TUBGCP4: variants seen among roughly 807,000 people sequenced by gnomAD.
TUBGCP4 encodes gamma-tubulin complex component 4.
Under a neutral mutation model 91.6 loss-of-function variants are expected in TUBGCP4, and 54 were observed. The ratio of observed to expected loss-of-function variants is 0.59; its 90% CI spans 0.47 to 0.74. TUBGCP4 has a LOEUF of 0.74. Ranked by LOEUF, TUBGCP4 falls within the 30% of genes least tolerant of loss-of-function variation. TUBGCP4 has a pLI of 0.00. For synonymous variants in TUBGCP4, 297 were observed against 302.8 expected, an observed-to-expected ratio of 0.98 and a Z score of 0.20; for missense variants, 593 against 800.9, an observed-to-expected ratio of 0.74 and a Z score of 3.13.
chr15:43,386,948 A>C (rs1312546126), intron 9 of TUBGCP4, among the ~76,000 whole-genome samples: 3 of 152,042 alleles, frequency 2.0e-5, no homozygotes, highest in Admixed American at 1.3e-4. Context: ...TAGTTAGTTG[A>C]ATAAAGGGGG....
intron 9 of TUBGCP4, among the ~76,000 whole-genome samples, chr15:43,391,203 TC>T (rs1484316496): frequency 6.6e-6 from 1 of 151,978 alleles, no homozygotes; most frequent in Admixed American, 6.6e-5. Context: ...CCTTTCATTT[TC>T]TTTTTTTCCC....
Position 43,398,165 on chromosome 15 carries a change from A to G in TUBGCP4, c.1404A>G (p.Pro468=). ...GGCCACTACATATTCTCTTCACCCC[A>G]GCTGTCCTGGAAAAGTGAGTATTTC... ...VQWPLHILFT[P]AVLEKYNVVF... The change falls in exon 13 of 18, where the codon CCA becomes CCG. Residue 468 remains proline (P), a synonymous_variant. Transcript: ENST00000564079. 6.2e-7 allele frequency: 1 copy of G among 1,612,358 alleles called. No homozygotes were observed. Among genetic ancestry groups the G allele is most frequent in the Admixed American group, 1.7e-5 (1 of 59,716 alleles).
chr15:43,380,770 T>G (rs2044274209), intron 6 of TUBGCP4, among the ~76,000 whole-genome samples: 1 of 152,176 alleles, frequency 6.6e-6, no homozygotes, highest in Non-Finnish European at 1.5e-5. Context: ...TATATAAATA[T>G]GTACTGACAA....
chr15:43,401,545 C>G (rs2044680783), intron 14 of TUBGCP4, among the ~76,000 whole-genome samples, 171 bp from the exon 15 acceptor site: 3 of 151,950 alleles, frequency 2.0e-5, no homozygotes, highest in African/African-American at 7.3e-5. Context: ...ATGCAAATAA[C>G]TTCCTACAAG....
chr15:43,405,614 A>G lies in TUBGCP4; in HGVS notation c.*400A>G, dbSNP rs1595508377. The G allele has an allele frequency of 5.6e-6, 1 of 179,356 alleles. No homozygotes were observed. Among genetic ancestry groups the G allele is most frequent in the Non-Finnish European group, 1.2e-5 (1 of 85,624 alleles). The allele number at this position is 179,356 out of a possible 1,614,324, so 11.1% of individuals were successfully genotyped here. A position where few individuals can be genotyped will look rare whatever the true frequency, so the allele number is the denominator to read the frequency against. On this transcript the variant is annotated 3_prime_UTR_variant, in exon 18 of 18. Coordinates refer to ENST00000564079, the MANE Select transcript of TUBGCP4 (RefSeq NM_014444.5). ...CATATGTGAAAAAGTAATTATGTTT[A>G]TAAATAGACTAACTGCTGGATGTTA...
In TUBGCP4 at chr15:43,395,654, G is replaced by T. The variant is rs764071036; in HGVS notation, c.1137G>T (p.Met379Ile). 1 of 1,613,962 alleles carries T rather than the reference G, an allele frequency of 6.2e-7. No individual in the cohort carries two copies. Among genetic ancestry groups the T allele is most frequent in the Non-Finnish European group, 8.5e-7 (1 of 1,179,944 alleles). Reference protein sequence around the residue: ...FQAFIDTAQHMLKTPPTAVTE... With the variant: ...FQAFIDTAQHILKTPPTAVTE... ...CCTTCATTGACACAGCTCAACACAT[G>T]TTGAAAACACCACCCACTGCAGTAA... Residue 379 changes from methionine to isoleucine, a missense_variant, in exon 11 of 18, where the codon ATG becomes ATT. Transcript: ENST00000564079.
At chr15:43,379,985 C>G (rs575480472) in intron 5 of TUBGCP4, 99 bp from the exon 6 acceptor site, 1 of 1,153,338 alleles carries the variant, frequency 8.7e-7, no homozygotes, top group Non-Finnish European at 1.3e-6. Flanking sequence ...TCCCCAGTCT[C>G]TCCTAGATTG....
chr15:43,376,377 T>C (rs2044205089), intron 2 of TUBGCP4, 126 bp from the exon 3 acceptor site: 3 of 1,601,280 alleles, frequency 1.9e-6, no homozygotes, highest in Non-Finnish European at 8.5e-7. Context: ...ACTAGAAATA[T>C]TCAAGTGAAG....
intron 13 of TUBGCP4, among the ~76,000 whole-genome samples, chr15:43,398,881 C>G (rs1345167117): frequency 1.2e-4 from 19 of 152,116 alleles, no homozygotes; most frequent in Admixed American, 1.2e-3. Flanking sequence ...CTGTATAAAG[C>G]AAATCACAGT....
At chr15:43,399,012 T>C (rs547445213) in intron 13 of TUBGCP4, 9 of 496,450 alleles carry the variant, frequency 1.8e-5, no homozygotes, top group African/African-American at 1.4e-4. Flanking sequence ...CCAGTCTACA[T>C]TGAAATTTCT....
rs199517801 is a variant in TUBGCP4, at chr15:43,401,771, G to A, written c.1652G>A (p.Arg551Gln). The change falls in exon 15 of 18, where the codon CGA becomes CAA. Residue 551 changes from arginine to glutamine, a missense_variant. Transcript: ENST00000564079. ...SQLLHQINST[R>Q]DFESIRLAHD... ...CTGCTTCATCAGATCAATTCTACCC[G>A]AGACTTTGAAAGCATCCGATTGGCT... 1,429 of 1,614,094 alleles carry A rather than the reference G, an allele frequency of 8.9e-4. 2 individuals are homozygous for A. The highest frequency in any genetic ancestry group is 1.1e-3 in the Non-Finnish European group (1,340 of 1,180,002).
At chr15:43,391,554 G>A (rs1224551603) in intron 9 of TUBGCP4, 1 of 152,160 alleles carries the variant, frequency 6.6e-6, no homozygotes, top group Admixed American at 6.6e-5. Flanking sequence ...CCCATTCTTA[G>A]GCAACCTGGT....
At chr15:43,372,979 G>A (rs1338706599) in intron 1 of TUBGCP4, among the ~76,000 whole-genome samples, 2 of 152,104 alleles carry the variant, frequency 1.3e-5, no homozygotes, top group African/African-American at 2.4e-5. Context: ...CAGGTGTTTA[G>A]GTATTGATGG....
Position 43,380,090 on chromosome 15 carries a change from G to A in TUBGCP4, c.448G>A (p.Gly150Ser). 2 of 1,614,102 alleles carry A rather than the reference G, an allele frequency of 1.2e-6. No individual in the cohort carries two copies. The highest frequency in any genetic ancestry group is 1.7e-6 in the Non-Finnish European group (2 of 1,179,926). ...AAGGCCGTATTTTCCACAGATTCAT[G>A]GTTGTCAAATCCTGGAAACAGTCTA... ...VEQIKSQKIH[G>S]CQILETVYKH... The change falls in exon 6 of 18, where the codon GGT becomes AGT. Residue 150 changes from glycine to serine, a missense_variant. Physicochemically the swap from Gly to Ser is moderately conservative, Grantham distance 56. Coordinates refer to ENST00000564079, the MANE Select transcript of TUBGCP4 (RefSeq NM_014444.5).
intron 4 of TUBGCP4, 121 bp downstream of exon 4, chr15:43,377,188 T>G: frequency 2.1e-5 from 17 of 816,734 alleles, no homozygotes; most frequent in Non-Finnish European, 3.4e-5. Context: ...ATTTTATATT[T>G]TGTGCATTTT....
In TUBGCP4 at chr15:43,407,652, A is replaced by G. The variant is rs1305841974; in HGVS notation, c.*2438A>G. The G allele has an allele frequency of 1.5e-6, 2 of 1,342,858 alleles. No homozygotes were observed. The highest frequency in any genetic ancestry group is 2.4e-5 in the East Asian group (1 of 40,916). 83.2% of individuals were successfully genotyped at this position (1,342,858 alleles called of 1,614,324 possible). On this transcript the variant is annotated 3_prime_UTR_variant, in exon 18 of 18. Coordinates refer to ENST00000564079, the MANE Select transcript of TUBGCP4 (RefSeq NM_014444.5). ...AGAAAGAGAGATTTGATTCTAACCA[A>G]TACATCCCACTCTGCACAAACCAAA...
chr15:43,404,699 A>C, intron 17 of TUBGCP4, 147 bp downstream of exon 17: 1 of 828,568 alleles, frequency 1.2e-6, no homozygotes, highest in Non-Finnish European at 1.8e-6. Flanking sequence ...CATCTTTAAT[A>C]ATTTTAATGG....
Position 43,395,691 on chromosome 15 carries a change from A to G in TUBGCP4, c.1171+3A>G. On this transcript the variant is annotated splice_donor_region_variant and intron_variant, in intron 11 of 17. Coordinates refer to ENST00000564079, the MANE Select transcript of TUBGCP4 (RefSeq NM_014444.5). ...ACCCACTGCAGTAACTGAGCATGGT[A>G]ATTGTCAGTGGCCCTGAGAATGATC... The G allele has an allele frequency of 6.2e-7, 1 of 1,608,974 alleles. No individual in the cohort carries two copies.
In TUBGCP4 at chr15:43,406,829, A is replaced by G. The variant is rs2142919594; in HGVS notation, c.*1615A>G. 3.1e-6 allele frequency: 1 copy of G among 327,682 alleles called. No homozygotes were observed. The highest frequency in any genetic ancestry group is 6.0e-6 in the Non-Finnish European group (1 of 167,902). The allele number at this position is 327,682 out of a possible 1,614,324, so 20.3% of individuals were successfully genotyped here. ...CTTATGGTCACTGTCCCTTCATGGCAGTTGGTCCTTTCGTTCTCCCTTTAG... is the reference window on the plus strand; with the variant it reads ...CTTATGGTCACTGTCCCTTCATGGCGGTTGGTCCTTTCGTTCTCCCTTTAG... On this transcript the variant is annotated 3_prime_UTR_variant, in exon 18 of 18. Coordinates refer to ENST00000564079, the MANE Select transcript of TUBGCP4 (RefSeq NM_014444.5).
Sources: allele counts gnomAD v4.1 joint callset (sites outside exome capture counted in the v4.1 genomes callset), GRCh38; gene constraint gnomAD v4.1.1; transcripts MANE v1.5; gene names NCBI Gene and HGNC (gene_info 2026-07-23, HGNC 2026-07-21).